Variants in CENPK observed in about 807,000 individuals in gnomAD.
CENPK encodes SoxLZ/Sox6-binding protein Solt.
In CENPK, 46 loss-of-function variants were observed where a neutral mutation model predicts 40.9. The observed-to-expected ratio is 1.13, with a 90% CI of 0.89 to 1.44. The LOEUF is 1.44. Among genes scored for constraint, CENPK ranks in the 40% most tolerant of loss-of-function variants. The pLI, the probability that CENPK is intolerant of heterozygous loss-of-function variation, is 0.00. For synonymous variants in CENPK, 107 were observed against 104.4 expected (o/e 1.02, Z -0.15); for missense variants, 288 against 303.5 (o/e 0.95, Z 0.38).
intron 10 of CENPK, among the ~76,000 whole-genome samples, chr5:65,520,534 T>C (rs1743533859): frequency 6.6e-6 from 1 of 152,172 alleles, no homozygotes; most frequent in South Asian, 2.1e-4. Flanking sequence ...AAGTCATCCA[T>C]GAGAAACTAC....
chr5:65,554,681 T>C (rs1750689507), intron 3 of CENPK, 116 bp downstream of exon 3: 1 of 662,396 alleles, frequency 1.5e-6, no homozygotes, highest in African/African-American at 1.8e-5. Flanking sequence ...ATATAAATAT[T>C]TATCATACAT....
the CENPK span, among the ~76,000 whole-genome samples, chr5:65,502,507 T>C: frequency 6.6e-6 from 1 of 152,232 alleles, no homozygotes; most frequent in African/African-American, 2.4e-5. Flanking sequence ...AAGTCCTCTC[T>C]TTCCTTTAAA....
intron 2 of CENPK, among the ~76,000 whole-genome samples, chr5:65,559,061 G>T (rs774754972): frequency 5.9e-5 from 9 of 152,198 alleles, no homozygotes; most frequent in Middle Eastern, 3.4e-3. Flanking sequence ...AGAATGATGA[G>T]GATGTCTACC....
chr5:65,560,592 C>G (rs2150567093), intron 2 of CENPK, among the ~76,000 whole-genome samples: 1 of 151,854 alleles, frequency 6.6e-6, no homozygotes, highest in South Asian at 2.1e-4. Flanking sequence ...ATGAGGAATT[C>G]AAAGAAAAAA....
intron 6 of CENPK, among the ~76,000 whole-genome samples, chr5:65,533,709 A>G (rs1226156878): frequency 6.6e-6 from 1 of 152,114 alleles, no homozygotes; most frequent in African/African-American, 2.4e-5. Context: ...ATCAATATAT[A>G]CATATTAATT....
chr5:65,552,477 A>G lies in CENPK; in HGVS notation c.168+16T>C, dbSNP rs749804748. On this transcript the variant is annotated intron_variant, in intron 4 of 10. Transcript: ENST00000396679. ...TCCACTTACCTTGTATTTTTTAGGA[A>G]GAAAAAGATTCATACCTGAGCATTT... 1.7e-5 allele frequency: 25 copies of G among 1,483,286 alleles called. No homozygotes were observed. The highest frequency in any genetic ancestry group is 2.2e-5 in the Admixed American group (1 of 44,504). The allele number at this position is 1,483,286 out of a possible 1,614,324, so 91.9% of individuals were successfully genotyped here.
In CENPK at chr5:65,542,858, CA is replaced by C; in HGVS notation, c.242-11del. 1 of 1,597,864 alleles carries C rather than the reference CA, an allele frequency of 6.3e-7. No homozygotes were observed. The highest frequency in any genetic ancestry group is 2.2e-5 in the East Asian group (1 of 44,532). On this transcript the variant is annotated splice_polypyrimidine_tract_variant and intron_variant, in intron 5 of 10. Coordinates refer to ENST00000396679, the MANE Select transcript of CENPK (RefSeq NM_022145.5). Reference sequence around the variant, plus strand: ...TCAGTCAAGGGAATTGCTACAAAAACAAAACAAAACAAAGTTACACATATAT... The same window carrying C: ...TCAGTCAAGGGAATTGCTACAAAAACAAACAAAACAAAGTTACACATATAT...
At chr5:65,514,555 G>A (rs1450688628), downstream of CENPK, among the ~76,000 whole-genome samples, 3 of 152,040 alleles carry the variant, frequency 2.0e-5, no homozygotes, top group African/African-American at 7.2e-5. Flanking sequence ...GTGAGCCATC[G>A]TGCTCAGCCT....
chr5:65,551,960 ATTTT>A (rs369700253), intron 4 of CENPK, among the ~76,000 whole-genome samples: 1 of 125,304 alleles, frequency 8.0e-6, no homozygotes, highest in Non-Finnish European at 1.7e-5. Flanking sequence ...CCTTTGTTCT[ATTTT>A]TTTTTTTTTT....
At chr5:65,546,798 C>A (rs942876857) in intron 5 of CENPK, among the ~76,000 whole-genome samples, 1 of 152,150 alleles carries the variant, frequency 6.6e-6, no homozygotes, top group Non-Finnish European at 1.5e-5. Flanking sequence ...AAGAAACCAA[C>A]GTTATTGACA....
At chr5:65,544,369 C>CA (rs965278743) in intron 5 of CENPK, among the ~76,000 whole-genome samples, 23 of 151,976 alleles carry the variant, frequency 1.5e-4, no homozygotes, top group African/African-American at 4.8e-4. Context: ...CAGCTACTAT[C>CA]AAAAAAACAG....
At chr5:65,534,050 CAAAAAA>C (rs60018569) in intron 6 of CENPK, among the ~76,000 whole-genome samples, 5 of 90,986 alleles carry the variant, frequency 5.5e-5, no homozygotes, top group East Asian at 6.5e-4. Flanking sequence ...ACCGTCTCAA[CAAAAAA>C]AAAAAAAAAA....
At chr5:65,547,118 C>A (rs553118350) in intron 5 of CENPK, among the ~76,000 whole-genome samples, 1 of 152,012 alleles carries the variant, frequency 6.6e-6, no homozygotes, top group Non-Finnish European at 1.5e-5. Flanking sequence ...TGAGGCTGGG[C>A]GTGGTGGCTC....
At chr5:65,561,220 AG>A (rs1188404793) in intron 2 of CENPK, 2 of 255,218 alleles carry the variant, frequency 7.8e-6, no homozygotes, top group African/African-American at 4.4e-5. Flanking sequence ...ATACAGTTTA[AG>A]TTCACAAAGC....
chr5:65,548,094 G>A (rs941624263), intron 5 of CENPK, among the ~76,000 whole-genome samples: 2 of 152,134 alleles, frequency 1.3e-5, no homozygotes, highest in African/African-American at 2.4e-5. Flanking sequence ...AAGACATACA[G>A]AAAAAGAGGG....
intron 2 of CENPK, 196 bp from the exon 3 acceptor site, chr5:65,555,142 G>T (rs564585902): frequency 6.9e-6 from 2 of 291,682 alleles, no homozygotes; most frequent in Non-Finnish European, 1.2e-5. Flanking sequence ...TATATCAAAT[G>T]ATTTATAAGT....
chr5:65,538,869 T>G (rs1215029989), intron 6 of CENPK, among the ~76,000 whole-genome samples: 1 of 152,208 alleles, frequency 6.6e-6, no homozygotes, highest in Non-Finnish European at 1.5e-5. Flanking sequence ...GATTTAACCA[T>G]CTATATTCTG....
downstream of CENPK, among the ~76,000 whole-genome samples, chr5:65,516,418 C>T (rs889228983): frequency 6.6e-6 from 1 of 152,134 alleles, no homozygotes; most frequent in Non-Finnish European, 1.5e-5. Flanking sequence ...TGCTCTCTTA[C>T]CAGGATTAAA....
At chr5:65,499,367 G>A in the CENPK span, among the ~76,000 whole-genome samples, 3 of 151,064 alleles carry the variant, frequency 2.0e-5, no homozygotes, top group South Asian at 6.3e-4. Context: ...GGCCTCCTCG[G>A]TGCTTGATGA....
Sources: allele counts gnomAD v4.1 joint callset (sites outside exome capture counted in the v4.1 genomes callset), GRCh38; gene constraint gnomAD v4.1.1; transcripts MANE v1.5; gene names NCBI Gene and HGNC (gene_info 2026-07-23, HGNC 2026-07-21).